The following PLXNB2 variants were observed in gnomAD, a reference collection of about 807,000 sequenced individuals.
PLXNB2 encodes plexin B2, also known as plexin-B2.
PLXNB2 carries 85 observed loss-of-function variants against 202.6 expected under a neutral mutation model. The observed-to-expected ratio is 0.42, with a 90% CI of 0.35 to 0.50. The LOEUF (loss-of-function observed/expected upper bound fraction) is 0.50, where lower values mean the gene tolerates loss of function less well. PLXNB2 is among the 20% of genes least tolerant of loss of function. The probability of loss-of-function intolerance (pLI) is 0.02; values close to 1 mark genes in which losing one functional copy is unlikely to be tolerated. For synonymous variants in PLXNB2, 1,239 were observed against 1,137.6 expected, an observed-to-expected ratio of 1.09 and a Z score of -1.79; for missense variants, 2,063 against 2,586.2, an observed-to-expected ratio of 0.80 and a Z score of 4.39.
At chr22:50,286,405 C>T in intron 8 of PLXNB2, 118 bp from the exon 9 acceptor site, 1 of 673,360 alleles carries the variant, frequency 1.5e-6, no homozygotes, top group Non-Finnish European at 2.6e-6. Context: ...TTCAGGGGGC[C>T]CTGCCAGGAC....
At chr22:50,304,598 C>T (rs902584218) in intron 1 of PLXNB2, among the ~76,000 whole-genome samples, 2 of 152,068 alleles carry the variant, frequency 1.3e-5, no homozygotes, top group Non-Finnish European at 2.9e-5. Flanking sequence ...GGAACCTCGA[C>T]CAGAAAGAGG....
At chr22:50,306,659 C>T (rs1479867575) in intron 1 of PLXNB2, among the ~76,000 whole-genome samples, 9 of 152,056 alleles carry the variant, frequency 5.9e-5, no homozygotes, top group Admixed American at 4.6e-4. Context: ...TCCAGGCCGC[C>T]GGGATCTGCC....
At chr22:50,278,813 A>C in intron 28 of PLXNB2, 42 bp downstream of exon 28, 1 of 1,601,008 alleles carries the variant, frequency 6.2e-7, no homozygotes, top group South Asian at 1.1e-5. Flanking sequence ...CAGGCCAGGC[A>C]CATGGGCGCC....
chr22:50,302,361 T>C (rs1271058739), intron 1 of PLXNB2, among the ~76,000 whole-genome samples: 1 of 152,168 alleles, frequency 6.6e-6, no homozygotes, highest in Non-Finnish European at 1.5e-5. Flanking sequence ...TGGGAGGTGA[T>C]GCCCGTGGCT....
chr22:50,296,500 G>A (rs1240952272), intron 1 of PLXNB2, among the ~76,000 whole-genome samples: 4 of 151,192 alleles, frequency 2.6e-5, no homozygotes, highest in Non-Finnish European at 5.9e-5. Flanking sequence ...CAGCACTTTG[G>A]GAGGCTGAGG....
intron 1 of PLXNB2, among the ~76,000 whole-genome samples, chr22:50,306,320 C>T (rs1266217227): frequency 6.6e-6 from 1 of 152,212 alleles, no homozygotes; most frequent in Non-Finnish European, 1.5e-5. Context: ...TCAGTCGGCT[C>T]TGGGGATTTC....
rs2066193138 is a variant in PLXNB2 at position 50,283,676 on chromosome 22, T to G, written c.2496A>C (p.Ala832=). 1 of 1,612,912 alleles carries G rather than the reference T, an allele frequency of 6.2e-7. No individual in the cohort carries two copies. Among genetic ancestry groups the G allele is most frequent in the Admixed American group, 1.7e-5 (1 of 59,988 alleles). ...TILGSNLGVQ[A]GDIQRISVAG... is the part of the protein sequence containing the mutation. Reference sequence around the variant, plus strand: ...CCACAGAGATCCTCTGGATGTCCCCTGCTTGGACGCCCAAATTGGACCCCA... The same window carrying G: ...CCACAGAGATCCTCTGGATGTCCCCGGCTTGGACGCCCAAATTGGACCCCA... Residue 832 remains alanine (A), a synonymous_variant, in exon 15 of 37, where the codon GCA becomes GCC. Transcript: ENST00000359337.
Position 50,285,971 on chromosome 22 carries a change from A to G in PLXNB2, c.1986+19T>C. 1 of 1,609,132 alleles carries G rather than the reference A, an allele frequency of 6.2e-7. No individual in the cohort carries two copies. The highest frequency in any genetic ancestry group is 8.5e-7 in the Non-Finnish European group (1 of 1,176,880). On this transcript the variant is annotated intron_variant, in intron 10 of 36. Coordinates refer to ENST00000359337, the MANE Select transcript of PLXNB2 (RefSeq NM_012401.4). ...CAGCCATGCCCTGAACAGTCCCCTG[A>G]GGCCCCGAGGCCCCTCACCATGTGG...
At position 50,284,524 on chromosome 22, in the gene PLXNB2, C is replaced by G. The variant is rs1237858198; in HGVS notation, c.2181+49G>C. Reference sequence around the variant, plus strand: ...TCCTGAAGGTGACCCCCCACCCCACCCGGGGCCCTGGGGTCCAGCAGCCGA... The same window carrying G: ...TCCTGAAGGTGACCCCCCACCCCACGCGGGGCCCTGGGGTCCAGCAGCCGA... On this transcript the variant is annotated intron_variant, in intron 12 of 36. Coordinates refer to ENST00000359337, the MANE Select transcript of PLXNB2 (RefSeq NM_012401.4). The surrounding 1 kb of genome is among the most constrained non-coding windows in gnomAD (Gnocchi z 8.0). The G allele has an allele frequency of 7.0e-7, 1 of 1,428,476 alleles. No individual in the cohort carries two copies. Among genetic ancestry groups the G allele is most frequent in the Non-Finnish European group, 9.7e-7 (1 of 1,027,104 alleles). 88.5% of individuals were successfully genotyped at this position (1,428,476 alleles called of 1,614,324 possible). A position where few individuals can be genotyped will look rare whatever the true frequency, so the allele number is the denominator to read the frequency against.
rs745882011 is a variant in PLXNB2, at chr22:50,283,149, G to T, written c.2717C>A (p.Pro906Gln). Reference sequence around the variant, plus strand: ...GGTCAGTGTGGTGCCGCCCGCCTGCGGTCCCTGCTGCGGCTCCACACTGAG... The same window carrying T: ...GGTCAGTGTGGTGCCGCCCGCCTGCTGTCCCTGCTGCGGCTCCACACTGAG... ...KPLSVEPQQG[P>Q]QAGGTTLTIH... is the part of the protein sequence containing the mutation. Residue 906 changes from proline (P) to glutamine (Q), a missense_variant, in exon 17 of 37, where the codon CCG becomes CAG. Coordinates refer to ENST00000359337, the MANE Select transcript of PLXNB2 (RefSeq NM_012401.4). 1 of 1,597,282 alleles carries T rather than the reference G, an allele frequency of 6.3e-7. No homozygotes were observed. Among genetic ancestry groups the T allele is most frequent in the Non-Finnish European group, 8.5e-7 (1 of 1,173,466 alleles).
Position 50,291,082 on chromosome 22 carries a change from G to A in PLXNB2, c.-13-485C>T, listed in dbSNP as rs2066838473. ...CCCATGGGGCAGAGGTGAAGGACACGGGAAACCAGAGGCTCAGGTGAGAGC... is the reference window on the plus strand; with the variant it reads ...CCCATGGGGCAGAGGTGAAGGACACAGGAAACCAGAGGCTCAGGTGAGAGC... On this transcript the variant is annotated intron_variant, in intron 2 of 36. Transcript: ENST00000359337. This position sits in a 1 kb window ranked among gnomAD's most constrained non-coding sequence, Gnocchi z 4.3. Among the ~76,000 whole-genome samples the A allele has an allele frequency of 6.6e-6, 1 of 152,170 alleles. No individual in the cohort carries two copies. Among genetic ancestry groups the A allele is most frequent in the South Asian group, 2.1e-4 (1 of 4,826 alleles).
At chr22:50,283,576 G>A in intron 15 of PLXNB2, 26 bp downstream of exon 15, 1 of 1,610,126 alleles carries the variant, frequency 6.2e-7, no homozygotes, top group Non-Finnish European at 8.5e-7. Flanking sequence ...CAGCTGACAG[G>A]GCCCAGACCA....
intron 35 of PLXNB2, 69 bp from the exon 36 acceptor site, chr22:50,276,032 C>CG: frequency 6.8e-7 from 1 of 1,472,360 alleles, no homozygotes; most frequent in Non-Finnish European, 9.5e-7. Flanking sequence ...AGGAGTAGTA[C>CG]GGGACGCCCA....
At chr22:50,299,609 G>A (rs981797413) in intron 1 of PLXNB2, among the ~76,000 whole-genome samples, 6 of 152,208 alleles carry the variant, frequency 3.9e-5, no homozygotes, top group Non-Finnish European at 8.8e-5. Flanking sequence ...GTGCCGCGGG[G>A]CGTGGGGCTG....
Position 50,283,382 on chromosome 22 carries a change from G to C in PLXNB2, c.2634C>G (p.Phe878Leu). The change falls in exon 16 of 37, where the codon TTC becomes TTG. Residue 878 changes from phenylalanine to leucine, a missense_variant. Phe to Leu is a conservative substitution (Grantham distance 22). This residue lies in a region of PLXNB2 where 1,303 missense variants were observed against 1,476.8 expected (regional missense o/e 0.88). Coordinates refer to ENST00000359337, the MANE Select transcript of PLXNB2 (RefSeq NM_012401.4). ...TGGGAGGCGAACGGCCCAGTTTCCC[G>C]AAGACGTCCACCTCGACACCCCCCG... is the stretch of plus-strand genomic sequence containing the variant. ...PFTGGVEVDV[F>L]GKLGRSPPNV... 1 of 1,613,192 alleles carries C rather than the reference G, an allele frequency of 6.2e-7. No individual in the cohort carries two copies. Among genetic ancestry groups the C allele is most frequent in the Admixed American group, 1.7e-5 (1 of 60,008 alleles).
At position 50,282,807 on chromosome 22, in the gene PLXNB2, G is replaced by A. The variant is rs2147401738; in HGVS notation, c.2891C>T (p.Ser964Phe). The change falls in exon 18 of 37, where the codon TCC (serine) becomes TTC (phenylalanine). Residue 964 changes from serine (S) to phenylalanine (F), a missense_variant. Ser to Phe is a radical substitution (Grantham distance 155, BLOSUM62 -2). Transcript: ENST00000359337. ...GTTGGGCACGGGGGACCCCCCGTAG[G>A]AGACCTCCAGAAGCATCTGGCCCCG... is the stretch of plus-strand genomic sequence containing the variant. ...ATRGQMLLEVSYGGSPVPNPG... is the reference protein window; with the variant it reads ...ATRGQMLLEVFYGGSPVPNPG... 2.5e-6 allele frequency: 4 copies of A among 1,612,878 alleles called. No individual in the cohort carries two copies. The highest frequency in any genetic ancestry group is 3.4e-6 in the Non-Finnish European group (4 of 1,179,568).
chr22:50,283,488 A>G (rs994201918), intron 15 of PLXNB2, 43 bp from the exon 16 acceptor site: 6 of 764,620 alleles, frequency 7.8e-6, no homozygotes, highest in Non-Finnish European at 1.0e-5. Flanking sequence ...TCCCCGACCC[A>G]CCCCACACCC....
At chr22:50,280,137 C>G (rs1242205050) in intron 25 of PLXNB2, 66 bp from the exon 26 acceptor site, 4 of 1,339,340 alleles carry the variant, frequency 3.0e-6, no homozygotes, top group Non-Finnish European at 4.1e-6. Flanking sequence ...ACTGACTCCT[C>G]CAAGCACCCG....
In PLXNB2 at chr22:50,278,999, T is replaced by C. The variant is rs774626695; in HGVS notation, c.4402A>G (p.Ile1468Val). 1.9e-6 allele frequency: 3 copies of C among 1,609,676 alleles called. No homozygotes were observed. The highest frequency in any genetic ancestry group is 2.5e-6 in the Non-Finnish European group (3 of 1,177,450). The part of the protein sequence containing the change: ...VEYAPLTVSV[I>V]VQDEGVDAIP... ...GCGTCCACTCCCTCGTCCTGCACGA[T>C]CACGCTCACCGTCTGCCGAGACATC... Residue 1468 changes from isoleucine to valine, a missense_variant, in exon 28 of 37, where the codon ATC (isoleucine) becomes GTC (valine). This residue lies in a region of PLXNB2 where 760 missense variants were observed against 1,109.4 expected (regional missense o/e 0.69). Coordinates refer to ENST00000359337, the MANE Select transcript of PLXNB2 (RefSeq NM_012401.4).
Sources: gnomAD v4.1 joint callset for allele counts (sites outside exome capture counted in the v4.1 genomes callset) on GRCh38, gnomAD v4.1.1 for gene constraint, gnomAD v4.1.1 regional missense constraint, Gnocchi (gnomAD v3.1) non-coding constraint, MANE v1.5 for transcripts, NCBI Gene and HGNC (gene_info 2026-07-23, HGNC 2026-07-21) for gene names.